Variants in PLCH1 observed in about 807,000 individuals in gnomAD.
The protein encoded by PLCH1 is phospholipase C eta 1.
In PLCH1, 60 loss-of-function variants were observed where a neutral mutation model predicts 126.7. The ratio of observed to expected loss-of-function variants is 0.47; its 90% confidence interval spans 0.38 to 0.59. The LOEUF is 0.59. PLCH1 is among the 20% of genes least tolerant of loss of function. The pLI is 0.00. For missense variants in PLCH1, 1,723 were observed against 2,040.0 expected, an observed-to-expected ratio of 0.84 and a Z score of 2.99; for synonymous variants, 719 against 734.9, an observed-to-expected ratio of 0.98 and a Z score of 0.35.
At chr3:155,703,864 C>T (rs776730262) in intron 2 of PLCH1, among the ~76,000 whole-genome samples, 15 of 152,150 alleles carry the variant, frequency 9.9e-5, no homozygotes, top group Non-Finnish European at 2.1e-4. Context: ...AGGGATATTA[C>T]TGGAGTTGAC....
intron 2 of PLCH1, among the ~76,000 whole-genome samples, chr3:155,667,664 G>T (rs1358414092): frequency 1.3e-5 from 2 of 151,974 alleles, no homozygotes; most frequent in Non-Finnish European, 2.9e-5. Context: ...ATCTTAACCT[G>T]CTGTTAAAGG....
chr3:155,493,788 C>T (rs1716603493), intron 17 of PLCH1, among the ~76,000 whole-genome samples: 1 of 152,206 alleles, frequency 6.6e-6, no homozygotes, highest in Non-Finnish European at 1.5e-5. Flanking sequence ...CAGCAGGTCA[C>T]AGACTCACAT....
At chr3:155,492,656 T>G in intron 18 of PLCH1, 73 bp downstream of exon 18, 1 of 1,369,576 alleles carries the variant, frequency 7.3e-7, no homozygotes, top group Admixed American at 2.6e-5. Flanking sequence ...CTGAAGACAT[T>G]TCGGATAAAA....
chr3:155,681,216 T>C (rs964272681), intron 2 of PLCH1, among the ~76,000 whole-genome samples: 2 of 152,198 alleles, frequency 1.3e-5, no homozygotes, highest in Admixed American at 6.5e-5. Context: ...GTAGCCAGTT[T>C]AGTAACACTA....
At chr3:155,667,650 C>T (rs999861255) in intron 2 of PLCH1, among the ~76,000 whole-genome samples, 1 of 152,086 alleles carries the variant, frequency 6.6e-6, no homozygotes, top group African/African-American at 2.4e-5. Context: ...TGTCCAGCCC[C>T]TTAATCTTAA....
intron 2 of PLCH1, among the ~76,000 whole-genome samples, chr3:155,619,345 A>C (rs961366531): frequency 1.3e-5 from 2 of 151,420 alleles, no homozygotes; most frequent in Non-Finnish European, 2.9e-5. Flanking sequence ...GAGTCCATCT[A>C]CCTCCTTTGT....
At position 155,480,287 on chromosome 3, in the gene PLCH1, T is replaced by C. The variant is rs1560038035; in HGVS notation, c.*681A>G. The C allele has an allele frequency of 6.6e-6, 1 of 152,616 alleles. No individual in the cohort carries two copies. Among genetic ancestry groups the C allele is most frequent in the Non-Finnish European group, 1.5e-5 (1 of 68,038 alleles). The allele number at this position is 152,616 out of a possible 1,614,324, so 9.5% of individuals were successfully genotyped here. The stretch of plus-strand genomic sequence containing the variant: ...ACATACAAAGCCATTAGCAAAAATA[T>C]GTAACAAAATTTATGTAAAACAAAC... On this transcript the variant is annotated 3_prime_UTR_variant, in exon 23 of 23. Transcript: ENST00000460012.
chr3:155,634,993 C>G (rs1396242795), intron 2 of PLCH1, among the ~76,000 whole-genome samples: 1 of 152,134 alleles, frequency 6.6e-6, no homozygotes, highest in African/African-American at 2.4e-5. Flanking sequence ...GGACTGGACT[C>G]ACTTCCTTCA....
intron 21 of PLCH1, among the ~76,000 whole-genome samples, chr3:155,468,445 G>C (rs1400788409): frequency 6.6e-6 from 1 of 152,116 alleles, no homozygotes; most frequent in Admixed American, 6.5e-5. Context: ...CCAAAAGACA[G>C]ACTGGCTGAA....
chr3:155,691,923 G>A (rs1035347626), intron 2 of PLCH1, among the ~76,000 whole-genome samples: 1 of 151,930 alleles, frequency 6.6e-6, no homozygotes, highest in African/African-American at 2.4e-5. Context: ...AACATTGTGA[G>A]GTCAATTAGT....
Position 155,482,764 on chromosome 3 carries a change from C to G in PLCH1, c.3262G>C (p.Val1088Leu), listed in dbSNP as rs751691768. The change falls in exon 23 of 23, where the codon GTT (valine) becomes CTT (leucine). Residue 1088 changes from valine (V) to leucine (L), a missense_variant. Around this residue, in one of 2 missense-constraint regions of PLCH1, gnomAD observed 947 missense variants for 977.1 expected, o/e 0.97. Coordinates refer to ENST00000460012, the MANE Select transcript of PLCH1 (RefSeq NM_014996.4). ...PKQHLAPDPV[V>L]NPTQDLHGVK... ...CCATGCAGATCTTGTGTGGGGTTAA[C>G]TACAGGATCGGGAGCCAAATGCTGC... is the stretch of plus-strand genomic sequence containing the variant. 6.2e-7 allele frequency: 1 copy of G among 1,614,170 alleles called. No individual in the cohort carries two copies. Among genetic ancestry groups the G allele is most frequent in the Non-Finnish European group, 8.5e-7 (1 of 1,180,024 alleles).
chr3:155,543,636 G>A (rs1235097517), intron 10 of PLCH1, among the ~76,000 whole-genome samples: 1 of 151,972 alleles, frequency 6.6e-6, no homozygotes, highest in Non-Finnish European at 1.5e-5. Context: ...GGCAGCCAGA[G>A]AGAAAGGTCG....
rs185717990 is a variant in PLCH1 at position 155,499,419 on chromosome 3, G to A, written c.1796+1284C>T. On this transcript the variant is annotated intron_variant, in intron 14 of 22. Coordinates refer to ENST00000460012, the MANE Select transcript of PLCH1 (RefSeq NM_014996.4). ...TTGTGAAGGCTAATGATTATAAATC[G>A]GTGTGAAGTCATGCCTAGAAATTAT... Among the ~76,000 whole-genome samples, 165 of 152,228 alleles carry A rather than the reference G, an allele frequency of 1.1e-3. 1 individual carries two copies. The highest frequency in any genetic ancestry group is 2.0e-3 in the Non-Finnish European group (133 of 68,004).
At chr3:155,465,518 A>C (rs1278120624) in intron 21 of PLCH1, among the ~76,000 whole-genome samples, 1 of 152,004 alleles carries the variant, frequency 6.6e-6, no homozygotes, top group Non-Finnish European at 1.5e-5. Context: ...TGAGCCTCTG[A>C]GACTTGCCGG....
chr3:155,566,902 A>G (rs927110733), intron 7 of PLCH1, among the ~76,000 whole-genome samples: 9 of 152,126 alleles, frequency 5.9e-5, no homozygotes, highest in African/African-American at 2.2e-4. Context: ...CAGAGACTTA[A>G]TTTCTTCATG....
chr3:155,682,547 T>C (rs1367924396), intron 2 of PLCH1, among the ~76,000 whole-genome samples: 2 of 152,172 alleles, frequency 1.3e-5, no homozygotes, highest in African/African-American at 4.8e-5. Context: ...CGAAGTCCTC[T>C]AGGAACACAT....
At chr3:155,635,662 G>T (rs1271556461) in intron 2 of PLCH1, among the ~76,000 whole-genome samples, 1 of 152,166 alleles carries the variant, frequency 6.6e-6, no homozygotes, top group Non-Finnish European at 1.5e-5. Context: ...ATTCCTTCTA[G>T]TAGTCTTTTT....
intron 2 of PLCH1, among the ~76,000 whole-genome samples, chr3:155,688,468 A>G (rs1348943406): frequency 1.3e-5 from 2 of 152,206 alleles, no homozygotes; most frequent in African/African-American, 4.8e-5. Flanking sequence ...AGCCTACACC[A>G]TTCATCCCCA....
Position 155,460,763 on chromosome 3 carries a change from T to TGATA in PLCH1, c.2938+24589_2938+24592dup, listed in dbSNP as rs528694145. Among the ~76,000 whole-genome samples, 70 of 151,132 alleles carry TGATA rather than the reference T, an allele frequency of 4.6e-4. No individual in the cohort carries two copies. The South Asian group carries it at 6.1e-3, about 13-fold the overall frequency. On this transcript the variant is annotated intron_variant, in intron 21 of 21. Coordinates refer to the PLCH1 transcript ENST00000494598. Reference sequence around the variant, plus strand: ...CAAATACACAAAGATAGATGATAGATGATAGATAGATAGATAGATATAGAA... The same window carrying TGATA: ...CAAATACACAAAGATAGATGATAGATGATAGATAGATAGATAGATAGATATAGAA...
Sources: gnomAD v4.1 joint callset for allele counts (sites outside exome capture counted in the v4.1 genomes callset) on GRCh38, gnomAD v4.1.1 for gene constraint, gnomAD v4.1.1 regional missense constraint, MANE v1.5 for transcripts, NCBI Gene and HGNC (gene_info 2026-07-23, HGNC 2026-07-21) for gene names.